The following FRMD6 variants were observed in gnomAD, a reference collection of about 807,000 sequenced individuals.
FRMD6 encodes the protein FERM domain-containing protein 6.
In FRMD6, 37 loss-of-function variants were observed where a neutral mutation model predicts 73.2. The ratio of observed to expected loss-of-function variants is 0.51; its 90% CI spans 0.39 to 0.66. The LOEUF is 0.66. Ranked by LOEUF, FRMD6 falls within the 30% of genes least tolerant of loss-of-function variation. FRMD6 has a pLI of 0.00. For synonymous variants in FRMD6, 273 were observed against 282.2 expected (o/e 0.97, Z 0.33); for missense variants, 714 against 780.5 (o/e 0.91, Z 1.02).
chr14:51,599,058 C>CTTTTCTTTTTTTTTTT (rs1158794443), intron 2 of FRMD6, among the ~76,000 whole-genome samples: 4 of 72,824 alleles, frequency 5.5e-5, no homozygotes, highest in East Asian at 4.8e-4. Flanking sequence ...CAGTATCTGT[C>CTTTTCTTTTTTTTTTT]TTTTTTTTTT....
intron 7 of FRMD6, among the ~76,000 whole-genome samples, chr14:51,708,520 G>C (rs140086936): frequency 3.4e-4 from 51 of 152,138 alleles, no homozygotes; most frequent in African/African-American, 1.1e-3. Context: ...TTATGGCATT[G>C]TTATTTCTCT....
the FRMD6 span, among the ~76,000 whole-genome samples, chr14:51,475,215 A>C: frequency 6.6e-6 from 1 of 152,198 alleles, no homozygotes; most frequent in Non-Finnish European, 1.5e-5. Context: ...CTCATCCAGG[A>C]GACTATGCCA....
the FRMD6 span, among the ~76,000 whole-genome samples, chr14:51,459,563 G>T: frequency 3.4e-4 from 52 of 151,954 alleles, no homozygotes; most frequent in African/African-American, 1.2e-3. Context: ...TGACGCTGGC[G>T]ACGCCTGTAA....
intron 9 of FRMD6, among the ~76,000 whole-genome samples, chr14:51,713,348 C>T (rs750286496): frequency 2.0e-5 from 3 of 151,648 alleles, no homozygotes; most frequent in Non-Finnish European, 4.4e-5. Context: ...ATCCCAGCTA[C>T]TCAGGAGGCT....
chr14:51,661,398 G>A (rs77234862), intron 1 of FRMD6, among the ~76,000 whole-genome samples: 4,040 of 152,148 alleles, frequency 0.027, 180 homozygotes, highest in African/African-American at 0.092. Context: ...CATTCCTTGA[G>A]TAACAATGTT....
rs570899240 is a variant in FRMD6 at position 51,636,069 on chromosome 14, G to A, written c.-146-53622G>A. ...GAGGCTGACAAATTCAGTTTCTTAG[G>A]GAGAAACATTTAATAGGGACTTAGG... is the stretch of plus-strand genomic sequence containing the variant. On this transcript the variant is annotated intron_variant, in intron 2 of 14. Coordinates refer to the FRMD6 transcript ENST00000356218. Among the ~76,000 whole-genome samples, 3 of 152,330 alleles carry A rather than the reference G, an allele frequency of 2.0e-5. No homozygotes were observed. In the South Asian group the frequency reaches 6.2e-4, roughly 32 times the overall value.
chr14:51,467,956 T>C, the FRMD6 span, among the ~76,000 whole-genome samples: 74 of 151,116 alleles, frequency 4.9e-4, no homozygotes, highest in Non-Finnish European at 8.6e-4. Context: ...GAGGTGGAGG[T>C]TGTAGCGAGC....
chr14:51,717,812 A>G (rs546646587), intron 10 of FRMD6, among the ~76,000 whole-genome samples: 3 of 152,368 alleles, frequency 2.0e-5, no homozygotes, highest in Non-Finnish European at 2.9e-5. Context: ...CTAAAACACT[A>G]TTTTAGCATT....
chr14:51,616,072 A>C (rs534770117), intron 2 of FRMD6, among the ~76,000 whole-genome samples: 1 of 152,296 alleles, frequency 6.6e-6, no homozygotes, highest in East Asian at 1.9e-4. Context: ...CTGAAATAGA[A>C]AGAAGGACAT....
chr14:51,584,668 C>A (rs765104952), intron 2 of FRMD6, among the ~76,000 whole-genome samples: 1 of 152,036 alleles, frequency 6.6e-6, no homozygotes, highest in South Asian at 2.1e-4. Flanking sequence ...TCCTTGTCAA[C>A]CCTGAGATGA....
intron 1 of FRMD6, among the ~76,000 whole-genome samples, chr14:51,503,966 G>A (rs1280638241): frequency 6.6e-6 from 1 of 152,060 alleles, no homozygotes; most frequent in East Asian, 1.9e-4. Context: ...TTGGGAGGGT[G>A]TATGTGTCCA....
intron 1 of FRMD6, among the ~76,000 whole-genome samples, chr14:51,510,630 T>A (rs1254890273): frequency 1.3e-5 from 2 of 152,232 alleles, no homozygotes; most frequent in African/African-American, 4.8e-5. Context: ...TGTTATTTTC[T>A]TTGTAAACCT....
In FRMD6 at chr14:51,608,224, T is replaced by C. The variant is rs536035269; in HGVS notation, c.-147+37814T>C. Among the ~76,000 whole-genome samples the C allele has an allele frequency of 6.6e-5, 10 of 152,258 alleles. No individual in the cohort carries two copies. The South Asian group carries it at 2.1e-3, about 32-fold the overall frequency. On this transcript the variant is annotated intron_variant, in intron 2 of 14. Transcript: ENST00000356218. The stretch of plus-strand genomic sequence containing the variant: ...GACCTAGGCAAAGTGGAACAAAATA[T>C]GAGAGGTTCGGCTTGGGATCCTTTG...
intron 1 of FRMD6, among the ~76,000 whole-genome samples, chr14:51,563,549 A>G (rs533376794): frequency 6.6e-6 from 1 of 152,186 alleles, no homozygotes; most frequent in African/African-American, 2.4e-5. Flanking sequence ...GGGTGCCTGT[A>G]ATCCCAGCTA....
At chr14:51,507,511 A>T (rs1380852088) in intron 1 of FRMD6, among the ~76,000 whole-genome samples, 2 of 152,178 alleles carry the variant, frequency 1.3e-5, no homozygotes, top group Non-Finnish European at 2.9e-5. Flanking sequence ...ATGGCCACAG[A>T]CCTTTTCAAA....
intron 1 of FRMD6, 65 bp downstream of exon 1, chr14:51,652,061 G>C (rs1892443424): frequency 6.6e-6 from 1 of 152,480 alleles, no homozygotes; most frequent in African/African-American, 2.4e-5. Context: ...GCCGCGCCCC[G>C]GACGCCCGCT....
chr14:51,647,884 G>A (rs2140064227), upstream of FRMD6, among the ~76,000 whole-genome samples: 1 of 152,222 alleles, frequency 6.6e-6, no homozygotes, highest in East Asian at 1.9e-4. Flanking sequence ...GGAGTGCAAT[G>A]GCGCGATCTT....
At chr14:51,716,542 A>G (rs558631255) in intron 10 of FRMD6, among the ~76,000 whole-genome samples, 1 of 152,328 alleles carries the variant, frequency 6.6e-6, no homozygotes, top group South Asian at 2.1e-4. Context: ...TTAAACAAAC[A>G]AAAGACCTTG....
chr14:51,532,114 A>T (rs138107370), intron 1 of FRMD6, among the ~76,000 whole-genome samples: 2,998 of 152,252 alleles, frequency 0.02, 72 homozygotes, highest in Admixed American at 0.067. Flanking sequence ...CACGCCTATA[A>T]TCCCAGTACT....
Sources: allele counts gnomAD v4.1 joint callset (sites outside exome capture counted in the v4.1 genomes callset), GRCh38; gene constraint gnomAD v4.1.1; transcripts MANE v1.5; gene names NCBI Gene and HGNC (gene_info 2026-07-23, HGNC 2026-07-21).